LNX2: variants seen among roughly 807,000 people sequenced by gnomAD.
LNX2 encodes the protein ligand of numb-protein X 2, also known as ligand of Numb protein X 2.
Under a neutral mutation model 66.2 loss-of-function variants are expected in LNX2, and 35 were observed. That is an observed-to-expected ratio of 0.53 (90% CI 0.40 to 0.70). LNX2 has a LOEUF of 0.70. Ranked by LOEUF, LNX2 falls within the 30% of genes least tolerant of loss-of-function variation. The probability of loss-of-function intolerance (pLI) is 0.00; values close to 1 mark genes in which losing one functional copy is unlikely to be tolerated. For missense variants in LNX2, 791 were observed against 850.8 expected, an observed-to-expected ratio of 0.93 and a Z score of 0.87; for synonymous variants, 337 against 315.6, an observed-to-expected ratio of 1.07 and a Z score of -0.72.
chr13:27,577,332 T>C (rs1955350481), intron 2 of LNX2, among the ~76,000 whole-genome samples: 1 of 152,214 alleles, frequency 6.6e-6, no homozygotes, highest in South Asian at 2.1e-4. Context: ...GATAAGAATG[T>C]GCTAAACACA....
chr13:27,614,584 T>G (rs1204881641), intron 1 of LNX2, among the ~76,000 whole-genome samples: 1 of 152,094 alleles, frequency 6.6e-6, no homozygotes, highest in African/African-American at 2.4e-5. Flanking sequence ...TTCCGCAAGA[T>G]CTATGTGTGT....
At chr13:27,592,159 T>C (rs1036682643) in intron 1 of LNX2, among the ~76,000 whole-genome samples, 3 of 152,200 alleles carry the variant, frequency 2.0e-5, no homozygotes, top group Admixed American at 6.5e-5. Context: ...TTGGCTGCTA[T>C]GTTGAAAATA....
intron 4 of LNX2, 29 bp downstream of exon 4, chr13:27,567,611 C>T: frequency 1.9e-6 from 3 of 1,596,950 alleles, no homozygotes; most frequent in African/African-American, 2.7e-5. Flanking sequence ...CAAAAAGGCA[C>T]AAGTTAACAG....
chr13:27,602,624 A>T (rs116286782), intron 1 of LNX2, among the ~76,000 whole-genome samples: 1 of 152,118 alleles, frequency 6.6e-6, no homozygotes, highest in Admixed American at 6.6e-5. Flanking sequence ...GGCTGTTTCC[A>T]GTTTTTGGTG....
chr13:27,551,906 C>G (rs555191081), intron 8 of LNX2, among the ~76,000 whole-genome samples: 1 of 152,312 alleles, frequency 6.6e-6, no homozygotes, highest in Admixed American at 6.5e-5. Flanking sequence ...CAGAGCAGAG[C>G]TGCTACACTA....
In LNX2 at chr13:27,562,605, T is replaced by C; in HGVS notation, c.1032A>G (p.Lys344=). Residue 344 remains lysine, a synonymous_variant, in exon 5 of 10, where the codon AAA becomes AAG. Coordinates refer to ENST00000316334, the MANE Select transcript of LNX2 (RefSeq NM_153371.4). ...TGCCAAGCTGTTCACCAGAGTCCCG[T>C]TTATGAAGAGCCACTTGGAAAATCT... is the stretch of plus-strand genomic sequence containing the variant. ...REEIFQVALH[K]RDSGEQLGIK... The C allele has an allele frequency of 6.2e-7, 1 of 1,614,100 alleles. No homozygotes were observed. The highest frequency in any genetic ancestry group is 8.5e-7 in the Non-Finnish European group (1 of 1,180,018).
At chr13:27,591,817 A>T (rs78424417) in intron 1 of LNX2, among the ~76,000 whole-genome samples, 3,890 of 152,310 alleles carry the variant, frequency 0.026, 197 homozygotes, top group African/African-American at 0.088. Flanking sequence ...CAAGGCAGGG[A>T]AGTCACAGTA....
chr13:27,592,710 G>C (rs1440646486), intron 1 of LNX2, among the ~76,000 whole-genome samples: 1 of 152,220 alleles, frequency 6.6e-6, no homozygotes, highest in Non-Finnish European at 1.5e-5. Context: ...CTTTCTGGGG[G>C]ACGAAGAGGA....
At position 27,550,355 on chromosome 13, in the gene LNX2, C is replaced by T. The variant is rs1442029813; in HGVS notation, c.1915G>A (p.Ala639Thr). 3 of 1,613,264 alleles carry T rather than the reference C, an allele frequency of 1.9e-6. No individual in the cohort carries two copies. The highest frequency in any genetic ancestry group is 1.7e-4 in the Middle Eastern group (1 of 6,054). The change falls in exon 9 of 10, where the codon GCT becomes ACT. Residue 639 changes from alanine (A) to threonine (T), a missense_variant. Transcript: ENST00000316334. ...FIKTIVLGTP[A>T]YYDGRLKCGD... ...CACTTTAATCTTCCATCATAATAAGCAGGAGTTCCCAAGACAATAGTTTTA... is the reference window on the plus strand; with the variant it reads ...CACTTTAATCTTCCATCATAATAAGTAGGAGTTCCCAAGACAATAGTTTTA...
At chr13:27,582,155 G>T (rs986811727) in intron 1 of LNX2, among the ~76,000 whole-genome samples, 1 of 151,838 alleles carries the variant, frequency 6.6e-6, no homozygotes, top group African/African-American at 2.4e-5. Flanking sequence ...TCAGCCTCCC[G>T]AGTAGCTGGT....
At chr13:27,587,309 T>C (rs935175249) in intron 1 of LNX2, among the ~76,000 whole-genome samples, 2 of 152,164 alleles carry the variant, frequency 1.3e-5, no homozygotes, top group Admixed American at 6.5e-5. Flanking sequence ...CTTCTGCTCC[T>C]GCTGCCCTTT....
chr13:27,592,356 G>A (rs185451426), intron 1 of LNX2, among the ~76,000 whole-genome samples: 6 of 152,118 alleles, frequency 3.9e-5, no homozygotes, highest in Non-Finnish European at 5.9e-5. Flanking sequence ...CTGATGGGAG[G>A]GGGGAAAGTC....
At chr13:27,601,304 A>G (rs954255119) in intron 1 of LNX2, among the ~76,000 whole-genome samples, 2 of 152,290 alleles carry the variant, frequency 1.3e-5, no homozygotes, top group Middle Eastern at 3.4e-3. Flanking sequence ...TGAAATTAAG[A>G]TATTTTTACT....
intron 1 of LNX2, among the ~76,000 whole-genome samples, chr13:27,583,039 A>G (rs1382815044): frequency 6.6e-6 from 1 of 152,124 alleles, no homozygotes; most frequent in Non-Finnish European, 1.5e-5. Flanking sequence ...TGCAAAGTAC[A>G]ATACTATTTT....
chr13:27,593,037 A>G (rs1955560871), intron 1 of LNX2, among the ~76,000 whole-genome samples: 1 of 152,186 alleles, frequency 6.6e-6, no homozygotes, highest in South Asian at 2.1e-4. Flanking sequence ...GGAAATTTGT[A>G]TCTTGGTAGG....
intron 8 of LNX2, among the ~76,000 whole-genome samples, chr13:27,552,401 C>T (rs74551258): frequency 0.044 from 6,673 of 152,268 alleles, 207 homozygotes; most frequent in Non-Finnish European, 0.067. Flanking sequence ...ATGTATCCCA[C>T]GAGTCAGGTG....
chr13:27,556,424 C>G lies in LNX2; in HGVS notation c.1369-11G>C, dbSNP rs763875234. On this transcript the variant is annotated splice_polypyrimidine_tract_variant and intron_variant, in intron 6 of 9. Coordinates refer to ENST00000316334, the MANE Select transcript of LNX2 (RefSeq NM_153371.4). ...ACACTGAGTAAGATCCTAAAACATA[C>G]AAGAAAAAAATCATTGGATAATGAA... 6.2e-7 allele frequency: 1 copy of G among 1,604,056 alleles called. No homozygotes were observed. The highest frequency in any genetic ancestry group is 1.7e-5 in the Admixed American group (1 of 58,092).
intron 7 of LNX2, among the ~76,000 whole-genome samples, chr13:27,554,563 C>T (rs1955037649): frequency 1.3e-5 from 2 of 152,186 alleles, no homozygotes; most frequent in South Asian, 4.1e-4. Context: ...TGTGCCAGTA[C>T]TTCAGTCCTT....
intron 1 of LNX2, among the ~76,000 whole-genome samples, chr13:27,597,229 G>A (rs1205336483): frequency 2.0e-5 from 3 of 152,266 alleles, no homozygotes; most frequent in African/African-American, 7.2e-5. Flanking sequence ...AAACACAGCA[G>A]TTTATAAGTC....
Sources: allele counts gnomAD v4.1 joint callset (sites outside exome capture counted in the v4.1 genomes callset), GRCh38; gene constraint gnomAD v4.1.1; transcripts MANE v1.5; gene names NCBI Gene and HGNC (gene_info 2026-07-23, HGNC 2026-07-21).